Variants in GALNT7 observed in about 807,000 individuals in gnomAD.
The protein encoded by GALNT7 is polypeptide N-acetylgalactosaminyltransferase 7.
In GALNT7, 60 loss-of-function variants were observed where a neutral mutation model predicts 82.1. The ratio of observed to expected loss-of-function variants is 0.73; its 90% CI spans 0.59 to 0.91. GALNT7 has a LOEUF of 0.91. Ranked by LOEUF, GALNT7 falls within the 40% of genes least tolerant of loss-of-function variation. The pLI, the probability that GALNT7 is intolerant of heterozygous loss-of-function variation, is 0.00. For missense variants in GALNT7, 660 were observed against 804.2 expected, an observed-to-expected ratio of 0.82 and a Z score of 2.17; for synonymous variants, 243 against 275.1, an observed-to-expected ratio of 0.88 and a Z score of 1.15.
rs139325369 is a variant in GALNT7 at position 173,178,919 on chromosome 4, A to T, written c.126+9958A>T. Among the ~76,000 whole-genome samples the T allele has an allele frequency of 5.4e-3, 825 of 152,354 alleles. 7 individuals are homozygous for T. The highest frequency in any genetic ancestry group is 0.018 in the African/African-American group (753 of 41,582). On this transcript the variant is annotated intron_variant, in intron 1 of 11. Transcript: ENST00000265000. ...ACCATTTTGTATGAGAATAGAGTAGATGACCTAGTCATTTTTTAATTTTAA... is the reference window on the plus strand; with the variant it reads ...ACCATTTTGTATGAGAATAGAGTAGTTGACCTAGTCATTTTTTAATTTTAA...
intron 1 of GALNT7, among the ~76,000 whole-genome samples, chr4:173,205,468 G>A (rs945008402): frequency 1.3e-5 from 2 of 152,100 alleles, no homozygotes; most frequent in African/African-American, 4.8e-5. Flanking sequence ...GGGCTGCAGG[G>A]ACTTTATTCT....
intron 2 of GALNT7, among the ~76,000 whole-genome samples, chr4:173,259,733 G>A (rs1224579920): frequency 2.0e-5 from 3 of 152,138 alleles, no homozygotes; most frequent in African/African-American, 7.2e-5. Flanking sequence ...TGCCTCCTGG[G>A]TTCAAGTGAT....
chr4:173,175,011 A>G lies in GALNT7; in HGVS notation c.126+6050A>G, dbSNP rs1231578501. On this transcript the variant is annotated intron_variant, in intron 1 of 11. Transcript: ENST00000265000. ...AAATAATTCACGAATGAAAAGCAAA[A>G]TTCTGAGCTTGAGCCATCTGTAAAC... Among the ~76,000 whole-genome samples the G allele has an allele frequency of 2.0e-5, 3 of 152,344 alleles. No individual in the cohort carries two copies. The East Asian group carries it at 5.8e-4, about 29-fold the overall frequency.
Position 173,267,648 on chromosome 4 carries a change from G to C in GALNT7, c.587+19208G>C, listed in dbSNP as rs143093058. Among the ~76,000 whole-genome samples, 11 of 152,308 alleles carry C rather than the reference G, an allele frequency of 7.2e-5. No individual in the cohort carries two copies. In the East Asian group the frequency reaches 2.1e-3, roughly 29 times the overall value. ...ATGAGGGGTGCTGCATGGTATCCGA[G>C]AGTGCCAAGTTCATAAATACACATG... On this transcript the variant is annotated intron_variant, in intron 2 of 11. Coordinates refer to ENST00000265000, the MANE Select transcript of GALNT7 (RefSeq NM_017423.3).
At chr4:173,203,126 C>T (rs562579197) in intron 1 of GALNT7, among the ~76,000 whole-genome samples, 91 of 151,442 alleles carry the variant, frequency 6.0e-4, no homozygotes, top group African/African-American at 1.6e-3. Flanking sequence ...GACGGAGTCT[C>T]GCTCTGTCAC....
At chr4:173,185,413 C>CAAAAA (rs33996293) in intron 1 of GALNT7, among the ~76,000 whole-genome samples, 1 of 142,126 alleles carries the variant, frequency 7.0e-6, no homozygotes. Context: ...CAATGAATCT[C>CAAAAA]AAAAAAAAAA....
Position 173,215,235 on chromosome 4 carries a change from T to C in GALNT7, c.127-32745T>C, listed in dbSNP as rs144680194. On this transcript the variant is annotated intron_variant, in intron 1 of 11. Coordinates refer to ENST00000265000, the MANE Select transcript of GALNT7 (RefSeq NM_017423.3). ...ACCAACCTCTGCTCTTCTTCTTCTT[T>C]TTTTTTTTTTTTTGATATGGAGTCT... is the stretch of plus-strand genomic sequence containing the variant. Among the ~76,000 whole-genome samples the C allele has an allele frequency of 7.0e-3, 1,055 of 150,272 alleles. 10 individuals are homozygous for C. The highest frequency in any genetic ancestry group is 0.024 in the African/African-American group (986 of 41,198).
At chr4:173,190,213 C>T (rs1035433710) in intron 1 of GALNT7, among the ~76,000 whole-genome samples, 3 of 152,082 alleles carry the variant, frequency 2.0e-5, no homozygotes, top group Non-Finnish European at 2.9e-5. Context: ...CTTTCATCTA[C>T]GTGGTCTGAG....
At chr4:173,241,978 T>C (rs1561169545) in intron 1 of GALNT7, among the ~76,000 whole-genome samples, 1 of 152,194 alleles carries the variant, frequency 6.6e-6, no homozygotes. Flanking sequence ...TATTCCATAA[T>C]AGGCATCACT....
rs549568760 is a variant in GALNT7 at position 173,209,897 on chromosome 4, G to T, written c.127-38083G>T. 5.9e-5 allele frequency among the ~76,000 whole-genome samples: 9 copies of T among 152,340 alleles called. No individual in the cohort carries two copies. The East Asian group carries it at 1.7e-3, about 29-fold the overall frequency. Reference sequence around the variant, plus strand: ...CGCCTGTAATTGCAACACTTTGGGAGGCCGAGGCAGGTGGATCACGAGGTC... The same window carrying T: ...CGCCTGTAATTGCAACACTTTGGGATGCCGAGGCAGGTGGATCACGAGGTC... On this transcript the variant is annotated intron_variant, in intron 1 of 11. Coordinates refer to ENST00000265000, the MANE Select transcript of GALNT7 (RefSeq NM_017423.3).
At chr4:173,215,371 C>T (rs998056423) in intron 1 of GALNT7, among the ~76,000 whole-genome samples, 2 of 151,980 alleles carry the variant, frequency 1.3e-5, no homozygotes, top group African/African-American at 2.4e-5. Context: ...GCAGTGATTA[C>T]AGGCGTGTGC....
chr4:173,294,706 G>A (rs1233722548), intron 3 of GALNT7, among the ~76,000 whole-genome samples: 3 of 152,038 alleles, frequency 2.0e-5, no homozygotes, highest in Non-Finnish European at 2.9e-5. Flanking sequence ...GCCAAAGATG[G>A]AAATTTTGCC....
At chr4:173,214,267 C>G (rs1278494610) in intron 1 of GALNT7, among the ~76,000 whole-genome samples, 1 of 147,442 alleles carries the variant, frequency 6.8e-6, no homozygotes, top group Non-Finnish European at 1.5e-5. Context: ...GTTCAAAAGA[C>G]AGAATAAATA....
rs148976345 is a variant in GALNT7 at position 173,205,532 on chromosome 4, A to G, written c.126+36571A>G. ...TGATTAGGTGGTTTTCTCTAGTGGT[A>G]TGCTTTGATTTCTTACTGCAGGGAC... On this transcript the variant is annotated intron_variant, in intron 1 of 11. Coordinates refer to ENST00000265000, the MANE Select transcript of GALNT7 (RefSeq NM_017423.3). Among the ~76,000 whole-genome samples the G allele has an allele frequency of 2.0e-5, 3 of 152,042 alleles. No individual in the cohort carries two copies. In the East Asian group the frequency reaches 5.8e-4, roughly 29 times the overall value.
chr4:173,284,822 C>T (rs1736260120), intron 2 of GALNT7, among the ~76,000 whole-genome samples: 1 of 151,942 alleles, frequency 6.6e-6, no homozygotes, highest in African/African-American at 2.4e-5. Flanking sequence ...TTAATGTTAA[C>T]CCCAGTTTTT....
At chr4:173,283,423 T>G (rs551366340) in intron 2 of GALNT7, among the ~76,000 whole-genome samples, 2 of 152,182 alleles carry the variant, frequency 1.3e-5, no homozygotes, top group East Asian at 1.9e-4. Context: ...GCAGATCACC[T>G]GAGGTCAGGA....
chr4:173,307,447 C>T (rs138935901), intron 8 of GALNT7, among the ~76,000 whole-genome samples: 1 of 152,354 alleles, frequency 6.6e-6, no homozygotes, highest in Non-Finnish European at 1.5e-5. Flanking sequence ...TAATCCAGCT[C>T]TAGGGACAGA....
intron 1 of GALNT7, among the ~76,000 whole-genome samples, chr4:173,196,553 A>C (rs181237629): frequency 6.6e-6 from 1 of 152,158 alleles, no homozygotes; most frequent in East Asian, 1.9e-4. Flanking sequence ...TTTTTCTTCA[A>C]CTTTTAAGTT....
chr4:173,241,998 AGAGTCCCAGT>A (rs1301279525), intron 1 of GALNT7, among the ~76,000 whole-genome samples: 2 of 152,206 alleles, frequency 1.3e-5, no homozygotes, highest in Non-Finnish European at 2.9e-5. Context: ...TCCATTGTCA[AGAGTCCCAGT>A]GTTTCAATCT....
Sources: allele counts gnomAD v4.1 joint callset (sites outside exome capture counted in the v4.1 genomes callset), GRCh38; gene constraint gnomAD v4.1.1; transcripts MANE v1.5; gene names NCBI Gene and HGNC (gene_info 2026-07-23, HGNC 2026-07-21).